The following MTUS2 variants were observed in gnomAD, a reference collection of about 807,000 sequenced individuals.
MTUS2 encodes microtubule-associated tumor suppressor candidate 2.
In MTUS2, 40 loss-of-function variants were observed where a neutral mutation model predicts 114.1. The observed-to-expected ratio is 0.35, with a 90% CI of 0.27 to 0.46. The LOEUF is 0.46. Ranked by LOEUF, MTUS2 falls within the 20% of genes least tolerant of loss-of-function variation. The pLI is 1.00. For synonymous variants in MTUS2, 688 were observed against 672.0 expected (o/e 1.02, Z -0.37); for missense variants, 1,679 against 1,705.4 (o/e 0.98, Z 0.27).
At chr13:29,010,916 G>GCC (rs1885811474) in intron 2 of MTUS2, among the ~76,000 whole-genome samples, 1 of 152,074 alleles carries the variant, frequency 6.6e-6, no homozygotes, top group African/African-American at 2.4e-5. Flanking sequence ...CTGGAGAGCT[G>GCC]CCCCTGGGAG....
At chr13:29,222,359 TTTA>T (rs756956109) in intron 5 of MTUS2, among the ~76,000 whole-genome samples, 8 of 152,252 alleles carry the variant, frequency 5.3e-5, no homozygotes, top group Admixed American at 3.3e-4. Flanking sequence ...TTCTTTTTTC[TTTA>T]TTATTCTCTT....
At chr13:28,974,398 C>T (rs1025703917) in intron 2 of MTUS2, among the ~76,000 whole-genome samples, 11 of 152,122 alleles carry the variant, frequency 7.2e-5, no homozygotes. Context: ...GACTGTGAGC[C>T]ACTGATTTGA....
chr13:29,357,172 C>CATG (rs55637032), intron 7 of MTUS2, among the ~76,000 whole-genome samples: 14,776 of 150,806 alleles, frequency 0.098, 775 homozygotes, highest in Middle Eastern at 0.19. Context: ...TAATTTCTAA[C>CATG]ATGATGATGA....
rs756627113 is a variant in MTUS2, at chr13:29,503,872, G to A, written c.*666G>A. The A allele has an allele frequency of 1.7e-5, 4 of 233,988 alleles. No individual in the cohort carries two copies. The highest frequency in any genetic ancestry group is 3.4e-5 in the Non-Finnish European group (4 of 118,346). 14.5% of individuals were successfully genotyped at this position (233,988 alleles called of 1,614,324 possible). On this transcript the variant is annotated 3_prime_UTR_variant, in exon 16 of 16. Coordinates refer to ENST00000612955, the MANE Select transcript of MTUS2 (RefSeq NM_001033602.4). The stretch of plus-strand genomic sequence containing the variant: ...CAATCAGCTTCTCAGTCAACATGAT[G>A]TGAGATCACTATTATTCCATTCGCA...
chr13:29,401,264 A>G (rs1335452879), intron 8 of MTUS2, among the ~76,000 whole-genome samples: 4 of 152,182 alleles, frequency 2.6e-5, no homozygotes, highest in Non-Finnish European at 5.9e-5. Flanking sequence ...TAGGCCTCCC[A>G]AAGTGCTGGG....
chr13:29,051,796 A>T (rs767396254), intron 4 of MTUS2, among the ~76,000 whole-genome samples: 5 of 152,228 alleles, frequency 3.3e-5, no homozygotes, highest in Admixed American at 6.5e-5. Flanking sequence ...CATGGAGACC[A>T]ATCCTTATTA....
intron 5 of MTUS2, among the ~76,000 whole-genome samples, chr13:29,160,769 CAAAA>C (rs71090227): frequency 8.4e-6 from 1 of 119,066 alleles, no homozygotes; most frequent in Admixed American, 8.5e-5. Context: ...GACTCCGTCT[CAAAA>C]AAAAAAAAAA....
rs144472108 is a variant in MTUS2, at chr13:29,144,870, T to G, written c.2644+43900T>G. ...TTACACAGGTCATAAACAATAAGAG[T>G]TAGGTAATATGGGAGTGTGGTCACA... On this transcript the variant is annotated intron_variant, in intron 5 of 15. Coordinates refer to ENST00000612955, the MANE Select transcript of MTUS2 (RefSeq NM_001033602.4). Among the ~76,000 whole-genome samples the G allele has an allele frequency of 2.8e-3, 419 of 152,218 alleles. 2 individuals carry two copies. The highest frequency in any genetic ancestry group is 9.6e-3 in the African/African-American group (399 of 41,538).
intron 7 of MTUS2, among the ~76,000 whole-genome samples, chr13:29,351,737 G>C (rs1869299925): frequency 1.3e-5 from 2 of 151,652 alleles, no homozygotes; most frequent in African/African-American, 4.8e-5. Flanking sequence ...CAAGCAGCTG[G>C]GACTATAGGC....
chr13:29,186,458 G>C (rs979556386), intron 5 of MTUS2, among the ~76,000 whole-genome samples: 1 of 152,076 alleles, frequency 6.6e-6, no homozygotes, highest in African/African-American at 2.4e-5. Flanking sequence ...ATGTAAACAG[G>C]ATCCAAAAGA....
chr13:29,127,202 G>T lies in MTUS2; in HGVS notation c.2644+26232G>T, dbSNP rs1179978382. On this transcript the variant is annotated intron_variant, in intron 5 of 15. Coordinates refer to ENST00000612955, the MANE Select transcript of MTUS2 (RefSeq NM_001033602.4). Reference sequence around the variant, plus strand: ...ACCTGATATCATGCCCCCTCCCCCTGCCCAAGTGTGAGTGAGAGGTCTCTG... The same window carrying T: ...ACCTGATATCATGCCCCCTCCCCCTTCCCAAGTGTGAGTGAGAGGTCTCTG... 3.3e-5 allele frequency among the ~76,000 whole-genome samples: 5 copies of T among 151,808 alleles called. No individual in the cohort carries two copies. In the East Asian group the frequency reaches 9.7e-4, roughly 29 times the overall value.
chr13:29,283,571 A>G (rs1022127670), intron 6 of MTUS2, among the ~76,000 whole-genome samples: 7 of 152,194 alleles, frequency 4.6e-5, no homozygotes, highest in African/African-American at 1.7e-4. Flanking sequence ...GTGTTTCTCA[A>G]GCTTTAGTGT....
Position 29,343,174 on chromosome 13 carries a change from A to C in MTUS2, c.2906-16088A>C, listed in dbSNP as rs1901485967. ...AGTATTAGGGTGATAGTGGCTTCAT[A>C]GAATGATTTAGGGAGGATTCCCTCT... On this transcript the variant is annotated intron_variant, in intron 7 of 15. Transcript: ENST00000612955. Among the ~76,000 whole-genome samples, 3 of 131,578 alleles carry C rather than the reference A, an allele frequency of 2.3e-5. No homozygotes were observed. The South Asian group carries it at 8.9e-4, about 39-fold the overall frequency. The allele number at this position is 131,578 out of a possible 152,430, so 86.3% of individuals were successfully genotyped here. A position where few individuals can be genotyped will look rare whatever the true frequency, so the allele number is the denominator to read the frequency against.
chr13:29,248,485 A>G, intron 5 of MTUS2, among the ~76,000 whole-genome samples: 1 of 152,262 alleles, frequency 6.6e-6, no homozygotes, highest in South Asian at 2.1e-4. Context: ...ATTTTATTTT[A>G]CTTTAAGTTC....
At chr13:29,392,141 C>A (rs111252210) in intron 8 of MTUS2, among the ~76,000 whole-genome samples, 3,152 of 25,980 alleles carry the variant, frequency 0.12, 53 homozygotes, top group Non-Finnish European at 0.19. Flanking sequence ...AAAAAAAAAA[C>A]AAACCAAAAA....
chr13:29,118,241 C>G (rs1891169710), intron 5 of MTUS2, among the ~76,000 whole-genome samples: 1 of 151,926 alleles, frequency 6.6e-6, no homozygotes, highest in Non-Finnish European at 1.5e-5. Flanking sequence ...AATAGTGATA[C>G]TGGCACCCTA....
chr13:29,163,794 G>T (rs140474747), intron 5 of MTUS2, among the ~76,000 whole-genome samples: 299 of 152,280 alleles, frequency 2.0e-3, no homozygotes, highest in African/African-American at 6.9e-3. Flanking sequence ...TGCAACCTAT[G>T]CATGAGACAC....
chr13:29,435,093 G>T (rs1877307525), intron 8 of MTUS2, among the ~76,000 whole-genome samples: 2 of 152,232 alleles, frequency 1.3e-5, no homozygotes, highest in Admixed American at 1.3e-4. Flanking sequence ...AACTCAGCGT[G>T]CAAAGGAGAG....
intron 5 of MTUS2, among the ~76,000 whole-genome samples, chr13:29,235,431 TA>T (rs1330619905): frequency 6.6e-6 from 1 of 152,188 alleles, no homozygotes; most frequent in East Asian, 1.9e-4. Flanking sequence ...ATTTAAACCT[TA>T]AAAAAAGTTC....
Sources: allele counts gnomAD v4.1 joint callset (sites outside exome capture counted in the v4.1 genomes callset), GRCh38; gene constraint gnomAD v4.1.1; transcripts MANE v1.5; gene names NCBI Gene and HGNC (gene_info 2026-07-23, HGNC 2026-07-21).